Variants in NRDC observed in about 807,000 individuals in gnomAD.
NRDC encodes nardilysin.
In NRDC, 54 loss-of-function variants were observed where a neutral mutation model predicts 147.1. The ratio of observed to expected loss-of-function variants is 0.37; its 90% CI spans 0.29 to 0.46. The LOEUF (loss-of-function observed/expected upper bound fraction) is 0.46, where lower values mean the gene tolerates loss of function less well. NRDC is among the 20% of genes least tolerant of loss of function. The pLI, the probability that NRDC is intolerant of heterozygous loss-of-function variation, is 1.00. For missense variants in NRDC, 1,082 were observed against 1,370.6 expected (o/e 0.79, Z 3.33); for synonymous variants, 440 against 482.1 (o/e 0.91, Z 1.14).
chr1:51,796,833 A>C (rs860671), intron 22 of NRDC, among the ~76,000 whole-genome samples: 16,508 of 134,142 alleles, frequency 0.12, 2,017 homozygotes, highest in African/African-American at 0.32. Context: ...TGATCCGCCC[A>C]CCTCGGCCTC....
At chr1:51,816,456 T>A (rs1477417974) in intron 10 of NRDC, 67 bp from the exon 11 acceptor site, 2 of 761,402 alleles carry the variant, frequency 2.6e-6, no homozygotes, top group East Asian at 5.7e-5. Flanking sequence ...AAATCTTACC[T>A]CTAAGGCTAC....
chr1:51,878,111 AG>A, intron 1 of NRDC, 163 bp downstream of exon 1: 1 of 1,424,460 alleles, frequency 7.0e-7, no homozygotes, highest in Non-Finnish European at 9.2e-7. Context: ...CTGACACCAC[AG>A]GGAAGCCTCT....
chr1:51,799,595 C>A (rs1269697834), intron 21 of NRDC, among the ~76,000 whole-genome samples: 1 of 152,184 alleles, frequency 6.6e-6, no homozygotes, highest in African/African-American at 2.4e-5. Context: ...CAAGTAGGGG[C>A]TAGCCAGTCA....
chr1:51,853,245 T>TAA lies in NRDC; in HGVS notation c.342-12733_342-12732dup, dbSNP rs1308455303. Among the ~76,000 whole-genome samples, 9 of 150,838 alleles carry TAA rather than the reference T, an allele frequency of 6.0e-5. No homozygotes were observed. In the East Asian group the frequency reaches 1.7e-3, roughly 29 times the overall value. On this transcript the variant is annotated intron_variant, in intron 1 of 30. Coordinates refer to ENST00000352171, the MANE Select transcript of NRDC (RefSeq NM_001101662.2). ...AAAAAATATATATATATATATTATA[T>TAA]AAAAGAATTCCTTTATTTTGGAAGT... is the stretch of plus-strand genomic sequence containing the variant.
At chr1:51,854,908 T>A (rs993074836) in intron 1 of NRDC, among the ~76,000 whole-genome samples, 1 of 152,220 alleles carries the variant, frequency 6.6e-6, no homozygotes, top group African/African-American at 2.4e-5. Context: ...CAACCTCATA[T>A]AGAGAGGAAC....
intron 2 of NRDC, among the ~76,000 whole-genome samples, chr1:51,839,511 T>C (rs996164159): frequency 6.6e-6 from 1 of 152,184 alleles, no homozygotes; most frequent in Non-Finnish European, 1.5e-5. Flanking sequence ...TCCACTGTAC[T>C]GGCTCCGAAA....
chr1:51,789,894 C>T (rs1404992701), intron 29 of NRDC: 2 of 534,908 alleles, frequency 3.7e-6, no homozygotes, highest in African/African-American at 1.9e-5. Flanking sequence ...GCTATAATTA[C>T]AGCTAAATAC....
intron 15 of NRDC, among the ~76,000 whole-genome samples, chr1:51,811,050 GC>G (rs956674168): frequency 2.0e-5 from 3 of 152,068 alleles, no homozygotes; most frequent in Admixed American, 6.6e-5. Context: ...TTGGTTTGGA[GC>G]CCTAACTACT....
chr1:51,814,339 G>A, intron 13 of NRDC: 1 of 574,992 alleles, frequency 1.7e-6, no homozygotes, highest in South Asian at 2.6e-5. Flanking sequence ...CAATAAAAGA[G>A]AAGCGTGAAA....
intron 17 of NRDC, 88 bp downstream of exon 17, chr1:51,809,227 C>T: frequency 1.2e-6 from 1 of 844,912 alleles, no homozygotes. Context: ...AATATAAATT[C>T]CTACGATACT....
intron 1 of NRDC, among the ~76,000 whole-genome samples, chr1:51,844,796 G>A (rs1415488930): frequency 2.1e-5 from 2 of 94,024 alleles, no homozygotes; most frequent in Non-Finnish European, 4.3e-5. Context: ...GGAAGGGGAG[G>A]AGGGGGGAGG....
At chr1:51,813,231 T>C (rs532727683) in intron 14 of NRDC, among the ~76,000 whole-genome samples, 1 of 152,342 alleles carries the variant, frequency 6.6e-6, no homozygotes, top group Non-Finnish European at 1.5e-5. Context: ...TGTTCACTGA[T>C]ACATGAAATG....
At chr1:51,820,237 G>T (rs112436308) in intron 8 of NRDC, among the ~76,000 whole-genome samples, 51 of 152,224 alleles carry the variant, frequency 3.4e-4, no homozygotes, top group African/African-American at 1.2e-3. Flanking sequence ...TAAAATCAAC[G>T]ATTATACATG....
At chr1:51,860,353 T>C (rs11810600) in intron 1 of NRDC, among the ~76,000 whole-genome samples, 14,058 of 152,240 alleles carry the variant, frequency 0.092, 1,227 homozygotes, top group African/African-American at 0.23. Context: ...AAATATAGGA[T>C]AGTTGCTCTA....
chr1:51,851,695 T>C (rs1681957844), intron 1 of NRDC, among the ~76,000 whole-genome samples: 1 of 152,066 alleles, frequency 6.6e-6, no homozygotes, highest in Non-Finnish European at 1.5e-5. Flanking sequence ...CAATTGCTTT[T>C]ACAAAAAAAA....
At position 51,841,899 on chromosome 1, in the gene NRDC, A is replaced by G. The variant is rs537139343; in HGVS notation, c.342-1385T>C. On this transcript the variant is annotated intron_variant, in intron 1 of 30. Coordinates refer to ENST00000352171, the MANE Select transcript of NRDC (RefSeq NM_001101662.2). ...AGACAAGGAAGAGAACCTTTGGCCT[A>G]AGATGGAAGACTGAACACTGGGATT... 9.2e-5 allele frequency among the ~76,000 whole-genome samples: 14 copies of G among 152,338 alleles called. No individual in the cohort carries two copies. In the South Asian group the frequency reaches 2.7e-3, roughly 29 times the overall value.
At chr1:51,825,451 C>T in intron 5 of NRDC, 69 bp from the exon 6 acceptor site, 1 of 1,185,886 alleles carries the variant, frequency 8.4e-7, no homozygotes, top group Non-Finnish European at 1.2e-6. Context: ...GAAATTCAAA[C>T]TTACAGAACA....
intron 4 of NRDC, among the ~76,000 whole-genome samples, chr1:51,828,143 A>G (rs906144536): frequency 3.3e-5 from 5 of 152,258 alleles, no homozygotes; most frequent in African/African-American, 1.2e-4. Flanking sequence ...GTGAAGAAAC[A>G]GACCATAGTC....
intron 25 of NRDC, 24 bp from the exon 26 acceptor site, chr1:51,792,122 C>T (rs769836081): frequency 5.6e-6 from 9 of 1,613,436 alleles, no homozygotes; most frequent in Non-Finnish European, 6.8e-6. Context: ...TACTGCCCAT[C>T]AGCCCAACTC....
Sources: allele counts gnomAD v4.1 joint callset (sites outside exome capture counted in the v4.1 genomes callset), GRCh38; gene constraint gnomAD v4.1.1; transcripts MANE v1.5; gene names NCBI Gene and HGNC (gene_info 2026-07-23, HGNC 2026-07-21).